POLH: variants seen among roughly 807,000 people sequenced by gnomAD.
POLH encodes the protein DNA polymerase eta transcript.
In POLH, 53 loss-of-function variants were observed where a neutral mutation model predicts 73.6. That is an observed-to-expected ratio of 0.72 (90% CI 0.58 to 0.91). POLH has a LOEUF of 0.91. Ranked by LOEUF, POLH falls within the 40% of genes least tolerant of loss-of-function variation. POLH has a pLI of 0.00. For missense variants in POLH, 768 were observed against 865.4 expected (o/e 0.89, Z 1.41); for synonymous variants, 292 against 308.5 (o/e 0.95, Z 0.56).
At chr6:43,577,754 C>A (rs570772186) in intron 1 of POLH, among the ~76,000 whole-genome samples, 1 of 152,246 alleles carries the variant, frequency 6.6e-6, no homozygotes, top group Non-Finnish European at 1.5e-5. Context: ...GGTCTTGGCT[C>A]CCAAACTGCT....
intron 3 of POLH, among the ~76,000 whole-genome samples, chr6:43,583,800 C>A (rs1352396678): frequency 1.3e-5 from 2 of 152,168 alleles, no homozygotes; most frequent in Non-Finnish European, 2.9e-5. Context: ...ACTCCCCCTT[C>A]ACAGATAAGG....
chr6:43,595,225 G>A (rs1372675714), intron 4 of POLH, among the ~76,000 whole-genome samples: 2 of 151,804 alleles, frequency 1.3e-5, no homozygotes, highest in African/African-American at 2.4e-5. Context: ...CCGCCTCCCG[G>A]GTTCAAGTGA....
At chr6:43,597,555 T>C in intron 4 of POLH, 141 bp from the exon 5 acceptor site, 1 of 714,120 alleles carries the variant, frequency 1.4e-6, no homozygotes, top group South Asian at 1.7e-5. Context: ...TCTCTTATAA[T>C]TGGTCTTCTA....
intron 6 of POLH, 21 bp downstream of exon 6, chr6:43,601,112 T>C (rs775902831): frequency 6.6e-7 from 1 of 1,514,130 alleles, no homozygotes; most frequent in South Asian, 1.1e-5. Flanking sequence ...AGGCAGCATG[T>C]TAAATTTCAC....
intron 9 of POLH, among the ~76,000 whole-genome samples, chr6:43,607,283 T>C (rs956656570): frequency 1.3e-5 from 2 of 152,036 alleles, no homozygotes; most frequent in African/African-American, 4.8e-5. Flanking sequence ...TTAGTAGAGA[T>C]AGGGTTTCAC....
At chr6:43,592,067 G>A (rs1432486226) in intron 4 of POLH, among the ~76,000 whole-genome samples, 3 of 152,058 alleles carry the variant, frequency 2.0e-5, no homozygotes, top group Admixed American at 2.0e-4. Flanking sequence ...TGTTGCATTA[G>A]TGTGTCCAAC....
In POLH at chr6:43,591,766, T is replaced by C. The variant is rs1023579755; in HGVS notation, c.490+4277T>C. The stretch of plus-strand genomic sequence containing the variant: ...CTGGCCTCCGAAAAATTTGTATCTA[T>C]ACATAAGACAATTTTGCATGCAGTT... On this transcript the variant is annotated intron_variant, in intron 4 of 10. Coordinates refer to ENST00000372236, the MANE Select transcript of POLH (RefSeq NM_006502.3). Among the ~76,000 whole-genome samples the C allele has an allele frequency of 7.9e-5, 12 of 152,314 alleles. No individual in the cohort carries two copies. In the Middle Eastern group the frequency reaches 0.01, roughly 130 times the overall value.
At chr6:43,612,800 ATT>A (rs973070635) in intron 10 of POLH, among the ~76,000 whole-genome samples, 25 of 133,978 alleles carry the variant, frequency 1.9e-4, no homozygotes, top group Non-Finnish European at 1.6e-4. Flanking sequence ...AAAATTTCTG[ATT>A]TTTTTTTTTT....
At chr6:43,608,296 C>G (rs1180774448) in intron 9 of POLH, among the ~76,000 whole-genome samples, 1 of 152,118 alleles carries the variant, frequency 6.6e-6, no homozygotes, top group Non-Finnish European at 1.5e-5. Context: ...TTGATGCATC[C>G]TCTTCTTTTG....
intron 10 of POLH, among the ~76,000 whole-genome samples, chr6:43,613,111 C>T (rs537415367): frequency 1.3e-5 from 2 of 152,082 alleles, no homozygotes; most frequent in Non-Finnish European, 2.9e-5. Context: ...ACAAGAATTT[C>T]TTAAAATGTT....
rs775604947 is a variant in POLH at position 43,605,274 on chromosome 6, A to G, written c.1029A>G (p.Gln343=). 13 of 1,594,062 alleles carry G rather than the reference A, an allele frequency of 8.2e-6. No homozygotes were observed. The highest frequency in any genetic ancestry group is 5.0e-5 in the Admixed American group (3 of 59,934). ...TTTAGGTACAATGGTGGCTGTTGCA[A>G]TTAGCCCAGGAACTAGAGGAGAGAC... is the stretch of plus-strand genomic sequence containing the variant. ...TREQVQWWLL[Q]LAQELEERLT... Residue 343 remains glutamine (Q), a synonymous_variant, in exon 9 of 11, where the codon CAA becomes CAG. Coordinates refer to ENST00000372236, the MANE Select transcript of POLH (RefSeq NM_006502.3).
At chr6:43,592,698 A>G (rs1765600617) in intron 4 of POLH, among the ~76,000 whole-genome samples, 1 of 152,220 alleles carries the variant, frequency 6.6e-6, no homozygotes, top group Admixed American at 6.5e-5. Flanking sequence ...TACAGGCGTC[A>G]GCCACTACGC....
At chr6:43,605,084 G>C (rs1026638032) in intron 8 of POLH, among the ~76,000 whole-genome samples, 170 bp from the exon 9 acceptor site, 3 of 152,082 alleles carry the variant, frequency 2.0e-5, no homozygotes, top group African/African-American at 4.8e-5. Context: ...CTTGAGCTAG[G>C]GCAGGACAGA....
At position 43,616,036 on chromosome 6, in the gene POLH, C is replaced by T. The variant is rs1768304548; in HGVS notation, c.*1479C>T. Among the ~76,000 whole-genome samples the T allele has an allele frequency of 6.6e-6, 1 of 152,116 alleles. No homozygotes were observed. The highest frequency in any genetic ancestry group is 1.5e-5 in the Non-Finnish European group (1 of 68,002). On this transcript the variant is annotated 3_prime_UTR_variant, in exon 11 of 11. Coordinates refer to ENST00000372236, the MANE Select transcript of POLH (RefSeq NM_006502.3). ...GGGCGCAGTGGCTCACGCCTGCAAT[C>T]CCAGCACTTTGGGAGGCCGAGGCGG...
chr6:43,608,000 G>A (rs1303531632), intron 9 of POLH, among the ~76,000 whole-genome samples: 4 of 152,064 alleles, frequency 2.6e-5, no homozygotes, highest in African/African-American at 9.7e-5. Flanking sequence ...GCGTGGTGGC[G>A]GGCACCTGTA....
rs970602180 is a variant in POLH, at chr6:43,619,303, T to G, written c.*4746T>G. 3.0e-5 allele frequency among the ~76,000 whole-genome samples: 4 copies of G among 134,556 alleles called. No homozygotes were observed. Among genetic ancestry groups the G allele is most frequent in the Non-Finnish European group, 3.0e-5 (2 of 65,996 alleles). The allele number at this position is 134,556 out of a possible 152,430, so 88.3% of individuals were successfully genotyped here. A position where few individuals can be genotyped will look rare whatever the true frequency, so the allele number is the denominator to read the frequency against. On this transcript the variant is annotated 3_prime_UTR_variant, in exon 11 of 11. Transcript: ENST00000372236. ...TCACCTGAATCTGGGAGTTTGGGGCTGCAATAAGCCATGATTGTGCCGCTG... is the reference window on the plus strand; with the variant it reads ...TCACCTGAATCTGGGAGTTTGGGGCGGCAATAAGCCATGATTGTGCCGCTG...
intron 1 of POLH, among the ~76,000 whole-genome samples, chr6:43,578,658 G>A (rs1208664752): frequency 5.3e-5 from 8 of 152,194 alleles, no homozygotes; most frequent in Non-Finnish European, 8.8e-5. Flanking sequence ...TGTTAAGTAA[G>A]ATGTTAACAT....
chr6:43,616,183 G>A lies in POLH; in HGVS notation c.*1626G>A, dbSNP rs1408483268. Among the ~76,000 whole-genome samples the A allele has an allele frequency of 6.6e-6, 1 of 151,754 alleles. No individual in the cohort carries two copies. The highest frequency in any genetic ancestry group is 2.4e-5 in the African/African-American group (1 of 41,316). On this transcript the variant is annotated 3_prime_UTR_variant, in exon 11 of 11. Transcript: ENST00000372236. ...TAGTCCCAGCTACTCGGGAGGCTGA[G>A]GCAGGAGAATGGTGTGAACCCGGGA...
intron 10 of POLH, 57 bp downstream of exon 10, chr6:43,610,780 T>TGTAGAGCTAAGACAG: frequency 7.0e-7 from 1 of 1,418,930 alleles, no homozygotes; most frequent in Non-Finnish European, 9.9e-7. Context: ...AGCTCTGTCT[T>TGTAGAGCTAAGACAG]AGCTCTACAA....
Sources: allele counts gnomAD v4.1 joint callset (sites outside exome capture counted in the v4.1 genomes callset), GRCh38; gene constraint gnomAD v4.1.1; transcripts MANE v1.5; gene names NCBI Gene and HGNC (gene_info 2026-07-23, HGNC 2026-07-21).